ITSN2: variants seen among roughly 807,000 people sequenced by gnomAD.
ITSN2 encodes the protein intersectin-2.
Under a neutral mutation model 243.7 loss-of-function variants are expected in ITSN2, and 156 were observed. The observed-to-expected ratio is 0.64, with a 90% confidence interval of 0.56 to 0.73. The LOEUF is 0.73. Ranked by LOEUF, ITSN2 falls within the 30% of genes least tolerant of loss-of-function variation. The pLI is 0.00. For synonymous variants in ITSN2, 703 were observed against 699.9 expected (o/e 1.00, Z -0.07); for missense variants, 1,801 against 1,996.1 (o/e 0.90, Z 1.86).
intron 29 of ITSN2, among the ~76,000 whole-genome samples, chr2:24,231,534 G>A (rs1671591352): frequency 6.6e-6 from 1 of 152,192 alleles, no homozygotes; most frequent in Non-Finnish European, 1.5e-5. Flanking sequence ...TTAGTAGTGG[G>A]CTGGGCCACA....
chr2:24,207,268 A>G (rs1265904927), intron 37 of ITSN2, among the ~76,000 whole-genome samples: 2 of 151,924 alleles, frequency 1.3e-5, no homozygotes, highest in East Asian at 3.9e-4. Flanking sequence ...GGGGACAGGA[A>G]AGGGCGATGG....
chr2:24,348,190 ATTTTTT>A (rs67272042), intron 1 of ITSN2, among the ~76,000 whole-genome samples: 26 of 97,754 alleles, frequency 2.7e-4, no homozygotes, highest in Admixed American at 3.6e-4. Context: ...AAATACTATG[ATTTTTT>A]TTTTTTTTTT....
intron 1 of ITSN2, among the ~76,000 whole-genome samples, chr2:24,345,907 T>C (rs1277958836): frequency 2.0e-5 from 3 of 152,222 alleles, no homozygotes; most frequent in Non-Finnish European, 4.4e-5. Flanking sequence ...CCAGGTCTTA[T>C]ACCAGAAAAT....
At chr2:24,209,343 G>C in intron 35 of ITSN2, 122 bp from the exon 36 acceptor site, 1 of 999,524 alleles carries the variant, frequency 1.0e-6, no homozygotes, top group South Asian at 1.6e-5. Context: ...GGGGTCTAGC[G>C]TCTAAGGTCT....
intron 20 of ITSN2, among the ~76,000 whole-genome samples, 157 bp from the exon 21 acceptor site, chr2:24,261,899 A>G (rs971447357): frequency 1.3e-5 from 2 of 152,252 alleles, no homozygotes; most frequent in Admixed American, 1.3e-4. Context: ...TACTATTTCC[A>G]GTGACTGGCA....
intron 2 of ITSN2, among the ~76,000 whole-genome samples, chr2:24,321,038 G>C (rs1283421079): frequency 6.6e-6 from 1 of 152,174 alleles, no homozygotes; most frequent in Non-Finnish European, 1.5e-5. Flanking sequence ...AGAAACAAGG[G>C]AGAGGAACCC....
At chr2:24,280,895 C>T (rs181287064) in intron 17 of ITSN2, among the ~76,000 whole-genome samples, 35 of 152,350 alleles carry the variant, frequency 2.3e-4, no homozygotes, top group African/African-American at 7.9e-4. Context: ...CTTAATCCAT[C>T]ACTCCCATTA....
chr2:24,327,974 T>C, intron 2 of ITSN2, 78 bp downstream of exon 2: 1 of 1,323,192 alleles, frequency 7.6e-7, no homozygotes, highest in Non-Finnish European at 1.1e-6. Context: ...GAAAATTATC[T>C]ACATGAATAT....
At chr2:24,284,667 C>T (rs751848885) in intron 17 of ITSN2, 96 bp downstream of exon 17, 138 of 743,562 alleles carry the variant, frequency 1.9e-4, no homozygotes, top group Middle Eastern at 3.2e-4. Context: ...TTATTTCAAA[C>T]AAAGATACTC....
At position 24,337,315 on chromosome 2, in the gene ITSN2, AATATATATATATAT is replaced by A. The variant is rs201712131; in HGVS notation, c.-33-9214_-33-9201del. The stretch of plus-strand genomic sequence containing the variant: ...TGTGTGTGTGTGTGTGTATACACAA[AATATATATATATAT>A]ATATATATATATATATATATATATG... On this transcript the variant is annotated intron_variant, in intron 1 of 39. Transcript: ENST00000355123. 7.0e-3 allele frequency among the ~76,000 whole-genome samples: 223 copies of A among 32,020 alleles called. 4 individuals carry two copies. The highest frequency in any genetic ancestry group is 0.023 in the Admixed American group (42 of 1,848). The allele number at this position is 32,020 out of a possible 152,430, so 21.0% of individuals were successfully genotyped here.
intron 7 of ITSN2, among the ~76,000 whole-genome samples, chr2:24,309,593 C>T (rs1193895458): frequency 6.6e-6 from 1 of 152,202 alleles, no homozygotes; most frequent in Non-Finnish European, 1.5e-5. Flanking sequence ...TATAGAACTC[C>T]ATGAGACTAC....
intron 29 of ITSN2, among the ~76,000 whole-genome samples, chr2:24,243,751 T>C (rs898812336): frequency 3.3e-5 from 5 of 152,198 alleles, no homozygotes; most frequent in Admixed American, 2.0e-4. Context: ...CCCTGCTATT[T>C]CCATGTTTTA....
Position 24,209,800 on chromosome 2 carries a change from C to T in ITSN2, c.4473+18G>A. The T allele has an allele frequency of 3.1e-6, 5 of 1,602,482 alleles. No homozygotes were observed. Among genetic ancestry groups the T allele is most frequent in the Non-Finnish European group, 4.3e-6 (5 of 1,169,350 alleles). ...CTCATTAGGCCCCTGATGCTACCCC[C>T]AGACGCGTGATACTCACCGTTTTAT... On this transcript the variant is annotated intron_variant, in intron 35 of 39. Transcript: ENST00000355123.
At chr2:24,260,473 A>G (rs1037793329) in intron 22 of ITSN2, among the ~76,000 whole-genome samples, 27 of 151,854 alleles carry the variant, frequency 1.8e-4, no homozygotes, top group African/African-American at 6.3e-4. Context: ...AAAAAAAAAA[A>G]AAAACCGTCA....
At chr2:24,244,358 GA>G (rs1673093581) in intron 29 of ITSN2, among the ~76,000 whole-genome samples, 1 of 152,160 alleles carries the variant, frequency 6.6e-6, no homozygotes, top group Non-Finnish European at 1.5e-5. Context: ...ATAGGCGGGG[GA>G]AAGGTATAAG....
Position 24,208,336 on chromosome 2 carries a change from G to T in ITSN2, c.4596-17C>A. The stretch of plus-strand genomic sequence containing the variant: ...CAGGCGGTCCTACGGGAGAAGCAGG[G>T]GCAGCCGTTGGCCGCATCCCACCCT... On this transcript the variant is annotated splice_polypyrimidine_tract_variant and intron_variant, in intron 36 of 39. Transcript: ENST00000355123. 2 of 1,603,816 alleles carry T rather than the reference G, an allele frequency of 1.2e-6. No homozygotes were observed. The highest frequency in any genetic ancestry group is 1.7e-6 in the Non-Finnish European group (2 of 1,173,290).
At chr2:24,255,210 G>T (rs770657893) in intron 23 of ITSN2, among the ~76,000 whole-genome samples, 1 of 152,204 alleles carries the variant, frequency 6.6e-6, no homozygotes, top group Non-Finnish European at 1.5e-5. Context: ...TTTCTTCTCT[G>T]TAAATGTTAT....
intron 1 of ITSN2, among the ~76,000 whole-genome samples, chr2:24,342,451 A>G (rs974084373): frequency 6.6e-6 from 1 of 150,874 alleles, no homozygotes; most frequent in South Asian, 2.1e-4. Context: ...CTCCCACCTC[A>G]GCCTCCCAAT....
rs984870478 is a variant in ITSN2, at chr2:24,299,776, T to C, written c.1344+133A>G. 20 of 731,150 alleles carry C rather than the reference T, an allele frequency of 2.7e-5. No homozygotes were observed. The African/African-American group carries it at 3.0e-4, about 11-fold the overall frequency. The allele number at this position is 731,150 out of a possible 1,614,324, so 45.3% of individuals were successfully genotyped here. Reference sequence around the variant, plus strand: ...AAGGGAAGGAATGATCAGATTTGTATAGGGTAAGAATGAAATGATGCAGAG... The same window carrying C: ...AAGGGAAGGAATGATCAGATTTGTACAGGGTAAGAATGAAATGATGCAGAG... On this transcript the variant is annotated intron_variant, in intron 12 of 39. Coordinates refer to ENST00000355123, the MANE Select transcript of ITSN2 (RefSeq NM_006277.3).
Sources: allele counts gnomAD v4.1 joint callset (sites outside exome capture counted in the v4.1 genomes callset), GRCh38; gene constraint gnomAD v4.1.1; transcripts MANE v1.5; gene names NCBI Gene and HGNC (gene_info 2026-07-23, HGNC 2026-07-21).